Variants in MATN2 observed in about 807,000 individuals in gnomAD.
The protein encoded by MATN2 is matrilin 2.
In MATN2, 69 loss-of-function variants were observed where a neutral mutation model predicts 103.2. The observed-to-expected ratio is 0.67, with a 90% CI of 0.55 to 0.82. MATN2 has a LOEUF of 0.82. Ranked by LOEUF, MATN2 falls within the 40% of genes least tolerant of loss-of-function variation. MATN2 has a pLI of 0.00. For missense variants in MATN2, 1,023 were observed against 1,211.5 expected (o/e 0.84, Z 2.31); for synonymous variants, 429 against 450.2 (o/e 0.95, Z 0.60).
intron 2 of MATN2, among the ~76,000 whole-genome samples, chr8:97,918,455 G>A: frequency 6.6e-6 from 1 of 152,190 alleles, no homozygotes; most frequent in East Asian, 1.9e-4. Context: ...GGACTTGCAG[G>A]CCAGTAAATA....
intron 2 of MATN2, among the ~76,000 whole-genome samples, chr8:97,901,436 A>G (rs748610117): frequency 3.3e-5 from 5 of 152,142 alleles, no homozygotes; most frequent in Admixed American, 6.6e-5. Context: ...TATGTTTAGT[A>G]GAGATGGGGT....
chr8:97,914,560 A>G (rs1020576392), intron 2 of MATN2, among the ~76,000 whole-genome samples: 2 of 150,608 alleles, frequency 1.3e-5, no homozygotes, highest in African/African-American at 4.9e-5. Context: ...AATCTATTGT[A>G]GAGAGGGGGT....
intron 2 of MATN2, among the ~76,000 whole-genome samples, chr8:97,909,786 C>CTT (rs763916849): frequency 9.7e-5 from 14 of 143,672 alleles, no homozygotes; most frequent in East Asian, 2.0e-4. Context: ...CATGATTTCA[C>CTT]TTTTTTTTTT....
intron 2 of MATN2, among the ~76,000 whole-genome samples, chr8:97,906,997 C>CCT (rs1819191727): frequency 8.6e-6 from 1 of 116,144 alleles, no homozygotes. Context: ...CCATAGCTGA[C>CCT]TTTTTTTTTT....
In MATN2 at chr8:97,931,271, C is replaced by T. The variant is rs201589846; in HGVS notation, c.461C>T (p.Ala154Val). The part of the protein sequence containing the change: ...LNIAFSEAEG[A>V]RPLRENVPRV... ...ATCGCATTCTCAGAAGCAGAGGGGG[C>T]CCGGCCCCTGAGGGAGAATGTGCCA... The change falls in exon 3 of 19, where the codon GCC (alanine) becomes GTC (valine). Residue 154 changes from alanine (A) to valine (V), a missense_variant. Coordinates refer to ENST00000254898, the MANE Select transcript of MATN2 (RefSeq NM_002380.5). The surrounding 1 kb of genome is among the most constrained non-coding windows in gnomAD (Gnocchi z 4.1). The T allele has an allele frequency of 1.1e-4, 173 of 1,613,856 alleles. No homozygotes were observed. In the African/African-American group the frequency reaches 1.8e-3, roughly 17 times the overall value.
chr8:97,938,103 C>A (rs1190330054), intron 3 of MATN2, among the ~76,000 whole-genome samples: 1 of 152,128 alleles, frequency 6.6e-6, no homozygotes, highest in Non-Finnish European at 1.5e-5. Flanking sequence ...GCACCAGGTA[C>A]ATCACTTGGG....
chr8:97,991,159 A>C (rs1385025455), intron 6 of MATN2, among the ~76,000 whole-genome samples: 1 of 152,248 alleles, frequency 6.6e-6, no homozygotes, highest in Non-Finnish European at 1.5e-5. Context: ...CTCTGTTTGC[A>C]TCATACAATA....
intron 2 of MATN2, among the ~76,000 whole-genome samples, chr8:97,903,101 CA>C (rs1192944991): frequency 4.6e-5 from 7 of 152,186 alleles, no homozygotes; most frequent in African/African-American, 1.7e-4. Context: ...AGGAAAGCCT[CA>C]GATGCCAGCA....
chr8:97,924,773 T>C (rs1809936666), intron 2 of MATN2, among the ~76,000 whole-genome samples: 1 of 151,472 alleles, frequency 6.6e-6, no homozygotes, highest in African/African-American at 2.4e-5. Context: ...GTTTGGGCCA[T>C]AGCTTTCAGG....
intron 7 of MATN2, among the ~76,000 whole-genome samples, chr8:97,995,318 T>A (rs1812545771): frequency 6.6e-6 from 1 of 152,208 alleles, no homozygotes; most frequent in African/African-American, 2.4e-5. Context: ...ATGTGCACAA[T>A]GTTTGCTGAA....
chr8:98,025,997 G>A (rs1813784877), intron 13 of MATN2, among the ~76,000 whole-genome samples: 1 of 151,376 alleles, frequency 6.6e-6, no homozygotes, highest in South Asian at 2.1e-4. Context: ...AGCCAACATG[G>A]CAAAACCCCG....
chr8:97,999,517 C>G (rs998215331), intron 7 of MATN2, among the ~76,000 whole-genome samples: 10 of 152,192 alleles, frequency 6.6e-5, no homozygotes, highest in Non-Finnish European at 1.3e-4. Flanking sequence ...GTCTGTCTGT[C>G]TGTGACTGGT....
chr8:97,994,127 GGA>G (rs1246610133), intron 6 of MATN2, among the ~76,000 whole-genome samples: 2 of 140,232 alleles, frequency 1.4e-5, no homozygotes, highest in African/African-American at 2.7e-5. Context: ...AGGAAGGAAG[GGA>G]GAGAGAGGAA....
chr8:98,017,387 G>T (rs1813400874), intron 11 of MATN2, among the ~76,000 whole-genome samples: 3 of 152,228 alleles, frequency 2.0e-5, no homozygotes, highest in Non-Finnish European at 4.4e-5. Flanking sequence ...AGAGTGAATT[G>T]CTGGTGTAAA....
At chr8:97,972,939 A>T (rs1811711602) in intron 5 of MATN2, among the ~76,000 whole-genome samples, 1 of 152,266 alleles carries the variant, frequency 6.6e-6, no homozygotes, top group African/African-American at 2.4e-5. Flanking sequence ...ATTGAGTTAT[A>T]CAAGAGGTCA....
chr8:98,011,563 A>G (rs536165960), intron 10 of MATN2, among the ~76,000 whole-genome samples: 1 of 152,338 alleles, frequency 6.6e-6, no homozygotes, highest in South Asian at 2.1e-4. Context: ...AGCACATCTC[A>G]GTTCAGCTGC....
At chr8:97,877,168 A>T (rs1305368502) in intron 1 of MATN2, among the ~76,000 whole-genome samples, 5 of 151,396 alleles carry the variant, frequency 3.3e-5, no homozygotes. Flanking sequence ...CACCATGCTC[A>T]GCTAATTTAA....
intron 4 of MATN2, among the ~76,000 whole-genome samples, chr8:97,957,573 A>G (rs1811182765): frequency 6.6e-6 from 1 of 152,230 alleles, no homozygotes; most frequent in African/African-American, 2.4e-5. Context: ...TTTGTGGGAC[A>G]GTTCTGGGAT....
chr8:97,891,999 G>T (rs544523834), intron 2 of MATN2, among the ~76,000 whole-genome samples: 7 of 152,174 alleles, frequency 4.6e-5, no homozygotes, highest in African/African-American at 1.7e-4. Context: ...CACTTTGGGA[G>T]GCTGAGGTGG....
Sources: allele counts gnomAD v4.1 joint callset (sites outside exome capture counted in the v4.1 genomes callset), GRCh38; gene constraint gnomAD v4.1.1; non-coding constraint Gnocchi (gnomAD v3.1); transcripts MANE v1.5; gene names NCBI Gene and HGNC (gene_info 2026-07-23, HGNC 2026-07-21).